Variants in ARK2C observed in about 807,000 individuals in gnomAD.
ARK2C encodes E3 ubiquitin-protein ligase ARK2C.
chr18:46,357,499 G>A, the ARK2C span, among the ~76,000 whole-genome samples: 1 of 152,250 alleles, frequency 6.6e-6, no homozygotes, highest in Non-Finnish European at 1.5e-5. Context: ...GGCTGTGCTG[G>A]CAGAGGTGGA....
At chr18:46,362,845 G>T in the ARK2C span, among the ~76,000 whole-genome samples, 1 of 152,182 alleles carries the variant, frequency 6.6e-6, no homozygotes, top group East Asian at 1.9e-4. Context: ...GAATCTTAGA[G>T]GTGTGTTCAC....
At chr18:46,346,622 A>T in the ARK2C span, among the ~76,000 whole-genome samples, 2 of 152,334 alleles carry the variant, frequency 1.3e-5, no homozygotes, top group East Asian at 3.9e-4. Context: ...TTCTAAAAAA[A>T]TGGAAATAAT....
At chr18:46,417,522 C>T in the ARK2C span, among the ~76,000 whole-genome samples, 6 of 152,372 alleles carry the variant, frequency 3.9e-5, no homozygotes, top group Non-Finnish European at 7.3e-5. Context: ...TCAGTCCTCA[C>T]CTTCTTCAGC....
the ARK2C span, among the ~76,000 whole-genome samples, chr18:46,437,683 C>T: frequency 2.0e-5 from 3 of 152,198 alleles, no homozygotes; most frequent in Non-Finnish European, 4.4e-5. Flanking sequence ...GGATACATCC[C>T]AAACCCCTCT....
the ARK2C span, among the ~76,000 whole-genome samples, chr18:46,395,935 C>G: frequency 6.6e-6 from 1 of 152,218 alleles, no homozygotes; most frequent in Non-Finnish European, 1.5e-5. Flanking sequence ...TTGGGGCTCA[C>G]TCAGACACGT....
At chr18:46,336,166 CG>C in the ARK2C span, 6 of 985,158 alleles carry the variant, frequency 6.1e-6, no homozygotes, top group Non-Finnish European at 4.8e-6. Context: ...CCTCTTAAAA[CG>C]GGTGTGGAAC....
the ARK2C span, among the ~76,000 whole-genome samples, chr18:46,419,891 CCTT>C: frequency 6.6e-6 from 1 of 152,158 alleles, no homozygotes; most frequent in Non-Finnish European, 1.5e-5. Flanking sequence ...TCTCCTCTAA[CCTT>C]CTTTCTTTCC....
At chr18:46,341,365 C>T in the ARK2C span, among the ~76,000 whole-genome samples, 1 of 151,662 alleles carries the variant, frequency 6.6e-6, no homozygotes, top group Admixed American at 6.6e-5. Context: ...AGATGGCTCA[C>T]ATCAGGGAGT....
chr18:46,414,534 T>C, the ARK2C span, among the ~76,000 whole-genome samples: 1 of 152,162 alleles, frequency 6.6e-6, no homozygotes. Flanking sequence ...AATAGACATA[T>C]ACCTGCACAT....
At chr18:46,348,900 C>CTGTGTGTG in the ARK2C span, among the ~76,000 whole-genome samples, 21 of 144,690 alleles carry the variant, frequency 1.5e-4, no homozygotes, top group South Asian at 2.3e-3. Context: ...CTCTCTCTTT[C>CTGTGTGTG]TGTGTGTGTG....
At chr18:46,436,648 G>T in the ARK2C span, among the ~76,000 whole-genome samples, 1 of 152,164 alleles carries the variant, frequency 6.6e-6, no homozygotes, top group Admixed American at 6.5e-5. Flanking sequence ...GAGCTTCTAG[G>T]TGCAGGAAGT....
chr18:46,348,073 G>A, the ARK2C span, among the ~76,000 whole-genome samples: 5 of 152,126 alleles, frequency 3.3e-5, no homozygotes, highest in African/African-American at 1.2e-4. Flanking sequence ...ACAGACGCAG[G>A]AACAGCATGG....
the ARK2C span, among the ~76,000 whole-genome samples, chr18:46,414,763 T>A: frequency 2.1e-4 from 32 of 152,274 alleles, no homozygotes; most frequent in African/African-American, 7.7e-4. Context: ...CAGGTCCTCC[T>A]TTGCCCCAGT....
At chr18:46,456,619 C>T in the ARK2C span, 1 of 1,613,202 alleles carries the variant, frequency 6.2e-7, no homozygotes, top group Non-Finnish European at 8.5e-7. Context: ...TGAGACACAA[C>T]TGGGAGCCGA....
At chr18:46,361,580 T>A in the ARK2C span, among the ~76,000 whole-genome samples, 1 of 152,256 alleles carries the variant, frequency 6.6e-6, no homozygotes. Context: ...GTCTTGCTTA[T>A]TCCATTTGGT....
chr18:46,442,487 A>T, the ARK2C span, among the ~76,000 whole-genome samples: 15 of 152,276 alleles, frequency 9.9e-5, no homozygotes, highest in African/African-American at 3.6e-4. Flanking sequence ...GTTGATTTCT[A>T]ATTTAATACC....
At chr18:46,426,877 C>T in the ARK2C span, among the ~76,000 whole-genome samples, 1 of 152,218 alleles carries the variant, frequency 6.6e-6, no homozygotes, top group Non-Finnish European at 1.5e-5. Flanking sequence ...AGGAGTAACT[C>T]TAACAGGGAA....
the ARK2C span, chr18:46,337,292 GTGC>G: frequency 1.0e-6 from 1 of 985,360 alleles, no homozygotes; most frequent in Non-Finnish European, 1.2e-6. Flanking sequence ...GTGTTCTGCT[GTGC>G]TGAATTACTT....
At chr18:46,364,211 G>T in the ARK2C span, among the ~76,000 whole-genome samples, 8 of 151,894 alleles carry the variant, frequency 5.3e-5, no homozygotes, top group Admixed American at 5.2e-4. Context: ...GCCTCCCAAA[G>T]TGCTGGGATT....
Sources: allele counts gnomAD v4.1 joint callset (sites outside exome capture counted in the v4.1 genomes callset), GRCh38; gene constraint gnomAD v4.1.1; transcripts MANE v1.5; gene names NCBI Gene and HGNC (gene_info 2026-07-23, HGNC 2026-07-21).